The following MRO variants were observed in gnomAD, a reference collection of about 807,000 sequenced individuals.
MRO encodes the protein maestro, also known as protein maestro.
A neutral mutation model predicts 31.0 loss-of-function variants in MRO; 28 were observed. The ratio of observed to expected loss-of-function variants is 0.90; its 90% CI spans 0.67 to 1.24. MRO has a LOEUF of 1.24. MRO is among the 50% of genes most tolerant of loss of function. The pLI is 0.00. For missense variants in MRO, 332 were observed against 289.2 expected, an observed-to-expected ratio of 1.15 and a Z score of -1.07; for synonymous variants, 108 against 108.4, an observed-to-expected ratio of 1.00 and a Z score of 0.02.
intron 5 of MRO, among the ~76,000 whole-genome samples, chr18:50,802,503 G>A (rs537720737): frequency 1.1e-4 from 17 of 152,228 alleles, no homozygotes; most frequent in Admixed American, 7.9e-4. Context: ...CATGGTGCAC[G>A]GGTTTTTATA....
At chr18:50,811,603 T>C (rs546321871) in intron 2 of MRO, among the ~76,000 whole-genome samples, 94 of 152,352 alleles carry the variant, frequency 6.2e-4, no homozygotes, top group African/African-American at 2.1e-3. Flanking sequence ...TCCATTCACC[T>C]GTTGATAGGC....
intron 1 of MRO, 38 bp downstream of exon 1, chr18:50,819,858 AC>A (rs1440829196): frequency 6.5e-7 from 1 of 1,546,662 alleles, no homozygotes; most frequent in Non-Finnish European, 8.8e-7. Flanking sequence ...AATGAAACCG[AC>A]AAGAATATTG....
At chr18:50,807,154 A>G (rs1333692714) in intron 3 of MRO, among the ~76,000 whole-genome samples, 2 of 152,094 alleles carry the variant, frequency 1.3e-5, no homozygotes, top group African/African-American at 4.8e-5. Context: ...AGAGGACTTG[A>G]TCAGTGTTGA....
intron 3 of MRO, among the ~76,000 whole-genome samples, chr18:50,807,915 G>A (rs946158343): frequency 1.3e-5 from 2 of 152,158 alleles, no homozygotes; most frequent in South Asian, 2.1e-4. Context: ...CTGAAACCCC[G>A]TCTCTATAAA....
chr18:50,823,074 G>A (rs932304428), upstream of MRO, among the ~76,000 whole-genome samples: 1 of 152,128 alleles, frequency 6.6e-6, no homozygotes, highest in African/African-American at 2.4e-5. Context: ...CTGTTAGACA[G>A]AGAGGCATAT....
chr18:50,802,771 G>A (rs1386050273), intron 5 of MRO, among the ~76,000 whole-genome samples: 1 of 151,818 alleles, frequency 6.6e-6, no homozygotes, highest in Admixed American at 6.6e-5. Context: ...CATTGCCCAG[G>A]CTGGCCTCCA....
intron 2 of MRO, among the ~76,000 whole-genome samples, chr18:50,817,086 C>T (rs1376448427): frequency 4.6e-5 from 7 of 152,258 alleles, no homozygotes; most frequent in South Asian, 2.1e-4. Context: ...CTCCCATGCA[C>T]GGCAAAGTAA....
At chr18:50,802,964 T>G (rs1469843471) in intron 5 of MRO, among the ~76,000 whole-genome samples, 1 of 151,256 alleles carries the variant, frequency 6.6e-6, no homozygotes, top group Non-Finnish European at 1.5e-5. Context: ...TAATGGAGAA[T>G]GTACCCCATT....
intron 3 of MRO, 48 bp downstream of exon 3, chr18:50,809,254 A>G: frequency 6.8e-7 from 1 of 1,463,176 alleles, no homozygotes; most frequent in South Asian, 1.2e-5. Flanking sequence ...ACATCTTACA[A>G]AACAGCTGCT....
chr18:50,807,921 A>G (rs1914101446), intron 3 of MRO, among the ~76,000 whole-genome samples: 1 of 152,170 alleles, frequency 6.6e-6, no homozygotes, highest in African/African-American at 2.4e-5. Flanking sequence ...CCCCGTCTCT[A>G]TAAAAATACA....
At chr18:50,804,975 A>G (rs1913762324) in intron 5 of MRO, among the ~76,000 whole-genome samples, 179 bp downstream of exon 5, 2 of 151,944 alleles carry the variant, frequency 1.3e-5, no homozygotes, top group Non-Finnish European at 2.9e-5. Flanking sequence ...GTATTTTAGT[A>G]AAGATAGGGT....
In MRO at chr18:50,799,348, T is replaced by G. The variant is rs761957945; in HGVS notation, c.736A>C (p.Lys246Gln). The G allele has an allele frequency of 1.2e-5, 20 of 1,613,910 alleles. No homozygotes were observed. The African/African-American group carries it at 2.7e-4, about 22-fold the overall frequency. The change falls in exon 8 of 8, where the codon AAA becomes CAA. Residue 246 changes from lysine to glutamine, a missense_variant. Physicochemically the swap from Lys to Gln is moderately conservative, Grantham distance 53. Transcript: ENST00000398439. ...CTGCTGCTCTGCGCTTACAGAATTT[T>G]ATTTGCGTAGAAGAACTGCAGGATC... ...PEILQFFYANKIL is the reference protein window; with the variant it reads ...PEILQFFYANQIL
intron 2 of MRO, among the ~76,000 whole-genome samples, chr18:50,810,842 G>A (rs972996111): frequency 6.6e-6 from 1 of 152,188 alleles, no homozygotes; most frequent in Admixed American, 6.5e-5. Context: ...AGGGCATAAA[G>A]TTTGTTTTTT....
At chr18:50,819,535 A>G in intron 2 of MRO, 46 bp downstream of exon 2, 2 of 1,548,790 alleles carry the variant, frequency 1.3e-6, no homozygotes, top group Non-Finnish European at 1.7e-6. Context: ...TGCAGCCAGG[A>G]CGCCTCCCGC....
At chr18:50,805,129 C>T (rs1042767784) in intron 5 of MRO, 25 bp downstream of exon 5, 10 of 1,592,786 alleles carry the variant, frequency 6.3e-6, no homozygotes, top group Non-Finnish European at 8.6e-6. Context: ...ATTTCAATAA[C>T]CCAGAATTTT....
intron 6 of MRO, 25 bp downstream of exon 6, chr18:50,801,324 G>C (rs767988711): frequency 1.1e-5 from 17 of 1,537,584 alleles, no homozygotes; most frequent in Non-Finnish European, 1.5e-5. Flanking sequence ...ATGTCACTCT[G>C]TTGGTTGCAG....
intron 2 of MRO, chr18:50,815,503 T>C: frequency 3.3e-6 from 1 of 305,360 alleles, no homozygotes; most frequent in South Asian, 3.4e-5. Context: ...GACCAGGATA[T>C]GGAAACCAAG....
intron 2 of MRO, among the ~76,000 whole-genome samples, chr18:50,813,321 C>T (rs1250778264): frequency 6.6e-5 from 10 of 152,234 alleles, no homozygotes; most frequent in Admixed American, 6.5e-4. Context: ...GAAAACTGCA[C>T]CCCCACCAAT....
rs1050537713 is a variant in MRO, at chr18:50,798,104, A to G, written c.*1233T>C. 6.6e-6 allele frequency: 1 copy of G among 152,138 alleles called. No homozygotes were observed. Among genetic ancestry groups the G allele is most frequent in the African/African-American group, 2.4e-5 (1 of 41,434 alleles). 9.4% of individuals were successfully genotyped at this position (152,138 alleles called of 1,614,324 possible). A position where few individuals can be genotyped will look rare whatever the true frequency, so the allele number is the denominator to read the frequency against. On this transcript the variant is annotated 3_prime_UTR_variant, in exon 8 of 8. Transcript: ENST00000398439. ...AAAACGCTCCGGGTGTGGCCTGGAT[A>G]CTGAATTCAGGGGTGGTACCAGAGT...
Sources: allele counts gnomAD v4.1 joint callset (sites outside exome capture counted in the v4.1 genomes callset), GRCh38; gene constraint gnomAD v4.1.1; transcripts MANE v1.5; gene names NCBI Gene and HGNC (gene_info 2026-07-23, HGNC 2026-07-21).